The following MAP3K1 variants were observed in gnomAD, a reference collection of about 807,000 sequenced individuals.
The protein encoded by MAP3K1 is mitogen-activated protein kinase kinase kinase 1.
A neutral mutation model predicts 144.2 loss-of-function variants in MAP3K1; 36 were observed. That is an observed-to-expected ratio of 0.25 (90% CI 0.19 to 0.33). The LOEUF is 0.33. Ranked by LOEUF, MAP3K1 falls within the 10% of genes least tolerant of loss-of-function variation. The pLI, the probability that MAP3K1 is intolerant of heterozygous loss-of-function variation, is 1.00. For synonymous variants in MAP3K1, 718 were observed against 688.7 expected, an observed-to-expected ratio of 1.04 and a Z score of -0.67; for missense variants, 1,650 against 1,881.9, an observed-to-expected ratio of 0.88 and a Z score of 2.28.
At chr5:56,837,748 G>A (rs1746695948) in intron 1 of MAP3K1, among the ~76,000 whole-genome samples, 1 of 152,216 alleles carries the variant, frequency 6.6e-6, no homozygotes, top group African/African-American at 2.4e-5. Flanking sequence ...TGGGGCAGGA[G>A]ACATAAGCTT....
chr5:56,864,796 T>C lies in MAP3K1; in HGVS notation c.897T>C (p.Tyr299=), dbSNP rs751288142. The change falls in exon 4 of 20, where the codon TAT becomes TAC. Residue 299 remains tyrosine (Y), a synonymous_variant. Coordinates refer to ENST00000399503, the MANE Select transcript of MAP3K1 (RefSeq NM_005921.2). Reference sequence around the variant, plus strand: ...CTTCACCAGATGGCTTCTCACCATATAGCCCTGAGGAAACAAACCGCCGTG... The same window carrying C: ...CTTCACCAGATGGCTTCTCACCATACAGCCCTGAGGAAACAAACCGCCGTG... The part of the protein sequence containing the change: ...RAPSPDGFSP[Y]SPEETNRRVN... The C allele has an allele frequency of 5.8e-5, 94 of 1,613,986 alleles. No homozygotes were observed. The highest frequency in any genetic ancestry group is 7.6e-5 in the Non-Finnish European group (90 of 1,180,012).
chr5:56,820,166 T>C (rs1437934166), intron 1 of MAP3K1, among the ~76,000 whole-genome samples: 2 of 152,024 alleles, frequency 1.3e-5, no homozygotes, highest in Non-Finnish European at 2.9e-5. Context: ...TATATATATG[T>C]TTATATATAA....
At chr5:56,844,281 G>A (rs1746916618) in intron 1 of MAP3K1, among the ~76,000 whole-genome samples, 1 of 135,938 alleles carries the variant, frequency 7.4e-6, no homozygotes, top group Non-Finnish European at 1.5e-5. Flanking sequence ...CTGGGTTCAT[G>A]CCATTCTCCA....
At chr5:56,851,260 G>T (rs991968887) in intron 1 of MAP3K1, among the ~76,000 whole-genome samples, 2 of 152,120 alleles carry the variant, frequency 1.3e-5, no homozygotes, top group Admixed American at 1.3e-4. Flanking sequence ...TTCTATTTTT[G>T]AGTGTTTATG....
chr5:56,865,914 C>T lies in MAP3K1; in HGVS notation c.1238C>T (p.Ser413Leu). ...PSRNTIQKFV[S>L]RMSNSHTLSS... is the part of the protein sequence containing the mutation. Reference sequence around the variant, plus strand: ...CGTAACACCATCCAGAAGTTTGTTTCACGCATGTCAAATTCTCATACATTG... The same window carrying T: ...CGTAACACCATCCAGAAGTTTGTTTTACGCATGTCAAATTCTCATACATTG... Residue 413 changes from serine to leucine, a missense_variant, in exon 6 of 20, where the codon TCA becomes TTA. By Grantham distance (145) the Ser-to-Leu change is moderately radical. Transcript: ENST00000399503. The T allele has an allele frequency of 1.2e-6, 2 of 1,613,186 alleles. No homozygotes were observed. Among genetic ancestry groups the T allele is most frequent in the Non-Finnish European group, 8.5e-7 (1 of 1,179,180 alleles).
intron 3 of MAP3K1, among the ~76,000 whole-genome samples, chr5:56,860,677 A>G (rs573377072): frequency 1.3e-5 from 2 of 152,100 alleles, no homozygotes; most frequent in East Asian, 3.9e-4. Context: ...ACATGGTGAA[A>G]CCTCATCTCT....
chr5:56,858,120 A>G (rs1303419263), intron 2 of MAP3K1, among the ~76,000 whole-genome samples: 2 of 152,230 alleles, frequency 1.3e-5, no homozygotes, highest in Non-Finnish European at 2.9e-5. Flanking sequence ...ATCTTGTAGA[A>G]TGTTGGCAGT....
chr5:56,877,627 A>G lies in MAP3K1; in HGVS notation c.1966-1353A>G, dbSNP rs555906571. On this transcript the variant is annotated intron_variant, in intron 10 of 19. Coordinates refer to ENST00000399503, the MANE Select transcript of MAP3K1 (RefSeq NM_005921.2). The stretch of plus-strand genomic sequence containing the variant: ...TACATAATTCCATTTATTCTTCCAT[A>G]TACAGTCAGCACATTAACATTAATC... Among the ~76,000 whole-genome samples the G allele has an allele frequency of 5.3e-5, 8 of 151,796 alleles. No individual in the cohort carries two copies. The East Asian group carries it at 1.5e-3, about 29-fold the overall frequency.
intron 1 of MAP3K1, among the ~76,000 whole-genome samples, chr5:56,825,546 A>T (rs1024355035): frequency 6.6e-6 from 1 of 152,146 alleles, no homozygotes; most frequent in Non-Finnish European, 1.5e-5. Context: ...TGGCAGTCAC[A>T]TGTCCAGGCT....
intron 9 of MAP3K1, among the ~76,000 whole-genome samples, chr5:56,874,073 A>G (rs1747941431): frequency 6.6e-6 from 1 of 152,184 alleles, no homozygotes; most frequent in Non-Finnish European, 1.5e-5. Flanking sequence ...TTTATTAAGC[A>G]TGTTAGGTAA....
intron 11 of MAP3K1, among the ~76,000 whole-genome samples, chr5:56,879,465 A>T (rs1748141436): frequency 2.0e-5 from 3 of 152,194 alleles, no homozygotes; most frequent in Admixed American, 1.3e-4. Context: ...AACCAGTAAG[A>T]TCATTACACC....
intron 6 of MAP3K1, among the ~76,000 whole-genome samples, chr5:56,869,952 G>A (rs1448758974): frequency 6.6e-6 from 1 of 152,146 alleles, no homozygotes; most frequent in Non-Finnish European, 1.5e-5. Context: ...TAGTAAGTGT[G>A]CCTTCATCAC....
At chr5:56,838,895 T>TTTTTG (rs57264225) in intron 1 of MAP3K1, among the ~76,000 whole-genome samples, 3,177 of 152,212 alleles carry the variant, frequency 0.021, 110 homozygotes, top group African/African-American at 0.074. Context: ...CCCAGAAGGT[T>TTTTTG]TTTTGTTTTG....
intron 1 of MAP3K1, among the ~76,000 whole-genome samples, chr5:56,833,516 C>G (rs1437242939): frequency 6.6e-6 from 1 of 152,138 alleles, no homozygotes; most frequent in Non-Finnish European, 1.5e-5. Flanking sequence ...CACTCCCTCC[C>G]CCACAGTGCC....
intron 10 of MAP3K1, among the ~76,000 whole-genome samples, chr5:56,875,797 A>G (rs965866885): frequency 1.3e-5 from 2 of 152,276 alleles, no homozygotes; most frequent in South Asian, 2.1e-4. Flanking sequence ...ATATCTGTAC[A>G]TTTTTCTGAG....
chr5:56,878,877 A>C (rs1158157864), intron 10 of MAP3K1, 103 bp from the exon 11 acceptor site: 4 of 964,302 alleles, frequency 4.1e-6, no homozygotes, highest in Non-Finnish European at 6.6e-6. Flanking sequence ...GTTATAATCC[A>C]TTCCTGTCTA....
At chr5:56,868,204 C>T (rs568464364) in intron 6 of MAP3K1, among the ~76,000 whole-genome samples, 36 of 152,106 alleles carry the variant, frequency 2.4e-4, no homozygotes, top group African/African-American at 7.5e-4. Context: ...TATAAATGAA[C>T]GGGATGGCTA....
chr5:56,850,713 C>T (rs558695802), intron 1 of MAP3K1, among the ~76,000 whole-genome samples: 32 of 152,278 alleles, frequency 2.1e-4, no homozygotes, highest in African/African-American at 7.7e-4. Context: ...ATAACCCAGC[C>T]TCCCCAAGCC....
At chr5:56,847,093 T>C (rs550361112) in intron 1 of MAP3K1, among the ~76,000 whole-genome samples, 65 of 152,372 alleles carry the variant, frequency 4.3e-4, no homozygotes, top group African/African-American at 1.5e-3. Context: ...TGTAAAGAGA[T>C]GATTTAGAAA....
Sources: gnomAD v4.1 joint callset for allele counts (sites outside exome capture counted in the v4.1 genomes callset) on GRCh38, gnomAD v4.1.1 for gene constraint, MANE v1.5 for transcripts, NCBI Gene and HGNC (gene_info 2026-07-23, HGNC 2026-07-21) for gene names.